Variants in CFAP100 observed in about 807,000 individuals in gnomAD.
CFAP100 encodes the protein cilia- and flagella-associated protein 100.
In CFAP100, 70 loss-of-function variants were observed where a neutral mutation model predicts 81.5. That is an observed-to-expected ratio of 0.86 (90% CI 0.71 to 1.05). The LOEUF is 1.05. Ranked by LOEUF, CFAP100 falls within the 50% of genes least tolerant of loss-of-function variation. The probability of loss-of-function intolerance (pLI) is 0.00; values close to 1 mark genes in which losing one functional copy is unlikely to be tolerated. For synonymous variants in CFAP100, 341 were observed against 314.8 expected, an observed-to-expected ratio of 1.08 and a Z score of -0.88; for missense variants, 811 against 776.5, an observed-to-expected ratio of 1.04 and a Z score of -0.53.
rs757823344 is a variant in CFAP100 at position 126,416,502 on chromosome 3, A to C, written c.412A>C (p.Thr138Pro). The change falls in exon 5 of 17, where the codon ACC becomes CCC. Residue 138 changes from threonine (T) to proline (P), a missense_variant. Physicochemically the swap from Thr to Pro is conservative, Grantham distance 38. Transcript: ENST00000352312. ...RDYTTWKLTL[T>P]KEKNVEPENM... ...CTACACGACCTGGAAGCTCACCTTG[A>C]CCAAAGGTGCGTCCCCTCCGGCGCG... 1 of 1,586,322 alleles carries C rather than the reference A, an allele frequency of 6.3e-7. No homozygotes were observed. Among genetic ancestry groups the C allele is most frequent in the Admixed American group, 1.8e-5 (1 of 56,792 alleles).
intron 2 of CFAP100, 26 bp from the exon 3 acceptor site, chr3:126,407,146 C>A (rs367947280): frequency 7.0e-6 from 11 of 1,562,586 alleles, no homozygotes; most frequent in Middle Eastern, 1.7e-4. Context: ...GTCACTGCTG[C>A]GGCCCTCACT....
At chr3:126,396,565 C>G (rs139902272) in intron 2 of CFAP100, 2,638 of 156,790 alleles carry the variant, frequency 0.017, 35 homozygotes, top group African/African-American at 0.04. Context: ...GCTGCAAAGA[C>G]CTTATTTCCA....
chr3:126,404,100 C>G (rs546624876), intron 2 of CFAP100, among the ~76,000 whole-genome samples: 1 of 152,302 alleles, frequency 6.6e-6, no homozygotes, highest in Non-Finnish European at 1.5e-5. Context: ...TAGAATGAGG[C>G]AAGAAGATGG....
chr3:126,434,257 G>A lies in CFAP100; in HGVS notation c.1504G>A (p.Gly502Ser). Residue 502 changes from glycine (G) to serine (S), a missense_variant, in exon 15 of 17, where the codon GGC (glycine) becomes AGC (serine). Gly to Ser is a moderately conservative substitution (Grantham distance 56). Coordinates refer to ENST00000352312, the MANE Select transcript of CFAP100 (RefSeq NM_182628.3). ...CTGTQQEANL[G>S]TVQMLTIIEH... ...CGGCACCCAGCAGGAGGCCAACCTG[G>A]GCACCGTGCAGATGCTGACCATCAT... The A allele has an allele frequency of 1.9e-6, 3 of 1,613,998 alleles. No individual in the cohort carries two copies. The highest frequency in any genetic ancestry group is 2.5e-6 in the Non-Finnish European group (3 of 1,180,018).
chr3:126,428,697 G>C (rs1211109641), intron 13 of CFAP100, among the ~76,000 whole-genome samples: 3 of 152,106 alleles, frequency 2.0e-5, no homozygotes, highest in Non-Finnish European at 4.4e-5. Flanking sequence ...CGTTCATAGG[G>C]GATATTGGCC....
At position 126,419,966 on chromosome 3, in the gene CFAP100, T is replaced by A. The variant is rs1403728719; in HGVS notation, c.914-14T>A. 10 of 1,612,744 alleles carry A rather than the reference T, an allele frequency of 6.2e-6. No individual in the cohort carries two copies. Among genetic ancestry groups the A allele is most frequent in the Non-Finnish European group, 7.6e-6 (9 of 1,179,882 alleles). On this transcript the variant is annotated splice_polypyrimidine_tract_variant and intron_variant, in intron 9 of 16. Transcript: ENST00000352312. ...CAGCTGAGGCCATCGGGGCCCCCCC[T>A]TTGCTTCCTGCAGGACCAGGGATCA...
At chr3:126,432,376 A>T (rs893365950) in intron 13 of CFAP100, among the ~76,000 whole-genome samples, 1 of 152,048 alleles carries the variant, frequency 6.6e-6, no homozygotes, top group Non-Finnish European at 1.5e-5. Flanking sequence ...ACATGTCCTC[A>T]CAAAAACCTG....
intron 3 of CFAP100, among the ~76,000 whole-genome samples, chr3:126,413,264 C>T (rs534545103): frequency 3.3e-5 from 5 of 152,240 alleles, no homozygotes; most frequent in Non-Finnish European, 5.9e-5. Flanking sequence ...GTCCCCGCAG[C>T]TGTGCCAGGC....
In CFAP100 at chr3:126,418,477, G is replaced by T. The variant is rs753859006; in HGVS notation, c.438G>T (p.Glu146Asp). 2 of 1,614,124 alleles carry T rather than the reference G, an allele frequency of 1.2e-6. No individual in the cohort carries two copies. Among genetic ancestry groups the T allele is most frequent in the Admixed American group, 3.3e-5 (2 of 60,024 alleles). The change falls in exon 6 of 17, where the codon GAG becomes GAT. Residue 146 changes from glutamate (E) to aspartate (D), a missense_variant. Transcript: ENST00000352312. Reference protein sequence around the residue: ...TLTKEKNVEPENMSGYIKQKR... With the variant: ...TLTKEKNVEPDNMSGYIKQKR... The stretch of plus-strand genomic sequence containing the variant: ...CAGCAGAAAAGAATGTGGAGCCTGA[G>T]AACATGAGTGGCTACATTAAGCAGA...
chr3:126,433,312 T>TGA, intron 14 of CFAP100, 108 bp downstream of exon 14: 1 of 1,342,674 alleles, frequency 7.4e-7, no homozygotes, highest in Non-Finnish European at 1.0e-6. Context: ...AAGGCCCGGG[T>TGA]GAGTGCCCTG....
chr3:126,416,355 A>T lies in CFAP100; in HGVS notation c.265A>T (p.Met89Leu), dbSNP rs750055856. 1.2e-6 allele frequency: 2 copies of T among 1,607,772 alleles called. No individual in the cohort carries two copies. Among genetic ancestry groups the T allele is most frequent in the South Asian group, 1.1e-5 (1 of 90,482 alleles). The change falls in exon 5 of 17, where the codon ATG becomes TTG. Residue 89 changes from methionine to leucine, a missense_variant. By Grantham distance (15) the Met-to-Leu change is conservative. Transcript: ENST00000352312. The stretch of plus-strand genomic sequence containing the variant: ...GAAGACGATGCGGGTGCACCAGAAG[A>T]TGACCTACTCCTCGAAAGTGTCGGC... ...QQKTMRVHQK[M>L]TYSSKVSAKH...
At chr3:126,411,514 A>G (rs953499359) in intron 3 of CFAP100, among the ~76,000 whole-genome samples, 4 of 151,804 alleles carry the variant, frequency 2.6e-5, no homozygotes, top group African/African-American at 9.7e-5. Context: ...AATGTCTGGT[A>G]GAATTCAGCT....
chr3:126,416,328 CAGA>C lies in CFAP100; in HGVS notation c.242_244del (p.Lys81del), dbSNP rs1248294691. ...CCGACGCCCCCAGGAACGGCAGCAG[CAGA>C]AGACGATGCGGGTGCACCAGAAGAT... On this transcript the variant is annotated inframe_deletion, in exon 5 of 17. Transcript: ENST00000352312. The C allele has an allele frequency of 6.3e-7, 1 of 1,592,854 alleles. No individual in the cohort carries two copies. Among genetic ancestry groups the C allele is most frequent in the Non-Finnish European group, 8.6e-7 (1 of 1,166,302 alleles).
intron 1 of CFAP100, among the ~76,000 whole-genome samples, 165 bp downstream of exon 1, chr3:126,395,143 C>G (rs1036701852): frequency 2.0e-5 from 3 of 152,188 alleles, no homozygotes; most frequent in Non-Finnish European, 2.9e-5. Context: ...TTGCTTGAAA[C>G]ACACCCATCT....
chr3:126,418,276 G>C, intron 5 of CFAP100, 182 bp from the exon 6 acceptor site: 1 of 607,024 alleles, frequency 1.6e-6, no homozygotes, highest in East Asian at 2.8e-5. Flanking sequence ...ATTTCAGGCA[G>C]AGCCTTCTCT....
At chr3:126,429,336 T>C (rs1423519125) in intron 13 of CFAP100, among the ~76,000 whole-genome samples, 2 of 152,136 alleles carry the variant, frequency 1.3e-5, no homozygotes, top group Admixed American at 6.6e-5. Flanking sequence ...TTTTCTGGAT[T>C]GTCTAATAGC....
At chr3:126,400,355 T>A (rs947224100) in intron 2 of CFAP100, among the ~76,000 whole-genome samples, 40 of 151,900 alleles carry the variant, frequency 2.6e-4, no homozygotes, top group African/African-American at 8.7e-4. Flanking sequence ...ATGGCTACTA[T>A]CAAAAAATAC....
At chr3:126,398,468 C>T (rs536367847) in intron 2 of CFAP100, among the ~76,000 whole-genome samples, 39 of 152,334 alleles carry the variant, frequency 2.6e-4, no homozygotes, top group African/African-American at 8.4e-4. Context: ...GCTGAAGGAG[C>T]CGTGTGCATG....
At chr3:126,435,949 C>A (rs977047375) in intron 16 of CFAP100, among the ~76,000 whole-genome samples, 1 of 152,200 alleles carries the variant, frequency 6.6e-6, no homozygotes, top group East Asian at 1.9e-4. Context: ...TACCCACACT[C>A]CGGCCAGACC....
Sources: gnomAD v4.1 joint callset for allele counts (sites outside exome capture counted in the v4.1 genomes callset) on GRCh38, gnomAD v4.1.1 for gene constraint, MANE v1.5 for transcripts, NCBI Gene and HGNC (gene_info 2026-07-23, HGNC 2026-07-21) for gene names.